The following CLSTN2 variants were observed in gnomAD, a reference collection of about 807,000 sequenced individuals.
CLSTN2 encodes the protein calsyntenin-2.
CLSTN2 carries 48 observed loss-of-function variants against 101.2 expected under a neutral mutation model. The observed-to-expected ratio is 0.47, with a 90% CI of 0.38 to 0.60. The LOEUF (loss-of-function observed/expected upper bound fraction) is 0.60. Among genes scored for constraint, CLSTN2 ranks in the 20% least tolerant of loss-of-function variants. The probability of loss-of-function intolerance (pLI) is 0.00; values close to 1 mark genes in which losing one functional copy is unlikely to be tolerated. For synonymous variants in CLSTN2, 481 were observed against 463.6 expected, an observed-to-expected ratio of 1.04 and a Z score of -0.48; for missense variants, 1,160 against 1,238.2, an observed-to-expected ratio of 0.94 and a Z score of 0.95.
chr3:140,088,022 G>C (rs2008707948), intron 1 of CLSTN2, among the ~76,000 whole-genome samples: 2 of 152,144 alleles, frequency 1.3e-5, no homozygotes, highest in African/African-American at 4.8e-5. Context: ...TGATCTCTGG[G>C]GGCTCAACAG....
intron 2 of CLSTN2, among the ~76,000 whole-genome samples, chr3:140,362,714 TACTC>T (rs2087742122): frequency 6.6e-6 from 1 of 152,202 alleles, no homozygotes; most frequent in Non-Finnish European, 1.5e-5. Context: ...CATGAAATGG[TACTC>T]AATCAATATA....
intron 2 of CLSTN2, among the ~76,000 whole-genome samples, chr3:140,198,230 T>A (rs1303746874): frequency 2.0e-5 from 3 of 152,238 alleles, no homozygotes; most frequent in Non-Finnish European, 4.4e-5. Context: ...ACAATGACTG[T>A]GTCCACAGTC....
rs112116545 is a variant in CLSTN2, at chr3:140,178,157, A to G, written c.232+2084A>G. Among the ~76,000 whole-genome samples, 514 of 152,344 alleles carry G rather than the reference A, an allele frequency of 3.4e-3. 1 individual carries two copies. The highest frequency in any genetic ancestry group is 0.012 in the African/African-American group (498 of 41,586). On this transcript the variant is annotated intron_variant, in intron 2 of 16. Transcript: ENST00000458420. ...GCCTTTAATGTCCTGTTCTCATCTAATAGTGAAAGGGAAACCGAAGTCGTT... is the reference window on the plus strand; with the variant it reads ...GCCTTTAATGTCCTGTTCTCATCTAGTAGTGAAAGGGAAACCGAAGTCGTT...
chr3:140,173,249 A>T (rs117067988), intron 1 of CLSTN2, among the ~76,000 whole-genome samples: 1,964 of 152,314 alleles, frequency 0.013, 115 homozygotes, highest in Admixed American at 0.099. Flanking sequence ...GCAAGTCCAA[A>T]ATCCAGTGTG....
intron 1 of CLSTN2, among the ~76,000 whole-genome samples, chr3:139,983,969 T>A (rs1276334896): frequency 6.6e-6 from 1 of 152,248 alleles, no homozygotes; most frequent in East Asian, 1.9e-4. Flanking sequence ...CCCCAAATGT[T>A]CTTCATTCCT....
At chr3:140,430,426 T>C (rs1184888317) in intron 5 of CLSTN2, among the ~76,000 whole-genome samples, 2 of 152,184 alleles carry the variant, frequency 1.3e-5, no homozygotes, top group East Asian at 3.8e-4. Context: ...AAAAATAATA[T>C]TTCATAGCAC....
chr3:140,060,792 G>C (rs1371488817), intron 1 of CLSTN2, among the ~76,000 whole-genome samples: 2 of 152,160 alleles, frequency 1.3e-5, no homozygotes, highest in Non-Finnish European at 2.9e-5. Context: ...TTTGTGCTTT[G>C]TACACATAGA....
At chr3:140,387,916 GC>G (rs1231598925) in intron 2 of CLSTN2, among the ~76,000 whole-genome samples, 1 of 152,146 alleles carries the variant, frequency 6.6e-6, no homozygotes, top group African/African-American at 2.4e-5. Context: ...TATAACACTT[GC>G]GATCATTCAT....
At chr3:140,123,363 GA>G (rs1040360966) in intron 1 of CLSTN2, among the ~76,000 whole-genome samples, 1 of 152,080 alleles carries the variant, frequency 6.6e-6, no homozygotes, top group Non-Finnish European at 1.5e-5. Context: ...GTTTCAACAT[GA>G]ATTTTGGAGG....
intron 2 of CLSTN2, among the ~76,000 whole-genome samples, chr3:140,377,157 G>T (rs1420440976): frequency 6.6e-6 from 1 of 152,154 alleles, no homozygotes; most frequent in Non-Finnish European, 1.5e-5. Context: ...GCCTGCTGAT[G>T]TCATAGCCAT....
At chr3:140,112,035 T>A (rs2009165454) in intron 1 of CLSTN2, among the ~76,000 whole-genome samples, 1 of 152,222 alleles carries the variant, frequency 6.6e-6, no homozygotes. Flanking sequence ...ATATGCAGTT[T>A]GCAGGTACCA....
chr3:140,189,789 C>T (rs1264577089), intron 2 of CLSTN2, among the ~76,000 whole-genome samples: 1 of 152,182 alleles, frequency 6.6e-6, no homozygotes, highest in African/African-American at 2.4e-5. Context: ...ATTCCTCCCT[C>T]ATCCATTTGT....
At chr3:140,014,949 C>T (rs1419204215) in intron 1 of CLSTN2, among the ~76,000 whole-genome samples, 1 of 152,194 alleles carries the variant, frequency 6.6e-6, no homozygotes, top group Admixed American at 6.5e-5. Context: ...GTTCTGCTTA[C>T]AAGCTAACAG....
intron 2 of CLSTN2, among the ~76,000 whole-genome samples, chr3:140,389,298 C>A (rs533753643): frequency 6.6e-6 from 1 of 152,332 alleles, no homozygotes; most frequent in Admixed American, 6.5e-5. Flanking sequence ...TCCTCCCACA[C>A]CCCTGACAGG....
At chr3:140,329,859 T>C (rs4683821) in intron 2 of CLSTN2, among the ~76,000 whole-genome samples, 57,243 of 152,166 alleles carry the variant, frequency 0.38, 13,919 homozygotes, top group Non-Finnish European at 0.55. Context: ...CATAAAATAT[T>C]AAAAGTTAAG....
intron 2 of CLSTN2, among the ~76,000 whole-genome samples, chr3:140,240,289 T>G (rs1559816290): frequency 4.8e-5 from 1 of 20,642 alleles, no homozygotes; most frequent in Non-Finnish European, 1.3e-4. Flanking sequence ...TATACATATA[T>G]ACACATATAT....
At chr3:140,465,000 A>C (rs1330645833) in intron 7 of CLSTN2, among the ~76,000 whole-genome samples, 1 of 152,212 alleles carries the variant, frequency 6.6e-6, no homozygotes, top group Admixed American at 6.5e-5. Flanking sequence ...CCTTCTAATA[A>C]GTAACAGTTA....
At chr3:140,405,767 C>A (rs2088296310) in intron 4 of CLSTN2, among the ~76,000 whole-genome samples, 1 of 152,198 alleles carries the variant, frequency 6.6e-6, no homozygotes, top group Non-Finnish European at 1.5e-5. Flanking sequence ...ATTTCAACAC[C>A]TTCAACACCT....
At chr3:140,343,311 A>T (rs925345883) in intron 2 of CLSTN2, among the ~76,000 whole-genome samples, 4 of 152,190 alleles carry the variant, frequency 2.6e-5, no homozygotes, top group Admixed American at 6.5e-5. Context: ...GAATATCATC[A>T]GTGGCTCTGA....
Sources: gnomAD v4.1 joint callset for allele counts (sites outside exome capture counted in the v4.1 genomes callset) on GRCh38, gnomAD v4.1.1 for gene constraint, MANE v1.5 for transcripts, NCBI Gene and HGNC (gene_info 2026-07-23, HGNC 2026-07-21) for gene names.